ANKRD18B: variants seen among roughly 807,000 people sequenced by gnomAD.
ANKRD18B encodes ankyrin repeat domain 18B.
In ANKRD18B, 75 loss-of-function variants were observed where a neutral mutation model predicts 111.8. That is an observed-to-expected ratio of 0.67 (90% CI 0.56 to 0.81). ANKRD18B has a LOEUF of 0.81. Among genes scored for constraint, ANKRD18B ranks in the 40% least tolerant of loss-of-function variants. ANKRD18B has a pLI of 0.00. For synonymous variants in ANKRD18B, 356 were observed against 417.3 expected, an observed-to-expected ratio of 0.85 and a Z score of 1.79; for missense variants, 1,038 against 1,225.5, an observed-to-expected ratio of 0.85 and a Z score of 2.28.
Position 33,550,351 on chromosome 9 carries a change from T to C in ANKRD18B, c.2068-79T>C, listed in dbSNP as rs573524743. On this transcript the variant is annotated intron_variant, in intron 11 of 18. Transcript: ENST00000684830. The stretch of plus-strand genomic sequence containing the variant: ...GTGTGTGTGGTAATAATTTTCAAAG[T>C]ATGTATGCTAGAGTTAAATATTAAC... 395 of 1,354,012 alleles carry C rather than the reference T, an allele frequency of 2.9e-4. No homozygotes were observed. The African/African-American group carries it at 5.2e-3, about 18-fold the overall frequency. The allele number at this position is 1,354,012 out of a possible 1,614,324, so 83.9% of individuals were successfully genotyped here.
chr9:33,551,877 A>G (rs1423976784), intron 12 of ANKRD18B, among the ~76,000 whole-genome samples: 1 of 152,150 alleles, frequency 6.6e-6, no homozygotes, highest in Non-Finnish European at 1.5e-5. Context: ...CTGACAGGCA[A>G]TGTCCTCTTC....
chr9:33,566,167 A>G, intron 14 of ANKRD18B, 52 bp from the exon 15 acceptor site: 1 of 1,457,680 alleles, frequency 6.9e-7, no homozygotes, highest in Non-Finnish European at 9.3e-7. Context: ...GTTTTGTATT[A>G]GATTATTCTC....
rs528943807 is a variant in ANKRD18B, at chr9:33,569,286, A to G, written c.3177+393A>G. Among the ~76,000 whole-genome samples the G allele has an allele frequency of 7.8e-4, 83 of 106,596 alleles. 1 individual carries two copies. The highest frequency in any genetic ancestry group is 2.8e-3 in the African/African-American group (78 of 27,722). 69.9% of individuals were successfully genotyped at this position (106,596 alleles called of 152,430 possible). On this transcript the variant is annotated intron_variant, in intron 17 of 18. Coordinates refer to ENST00000684830, the MANE Select transcript of ANKRD18B (RefSeq NM_001393611.1). Reference sequence around the variant, plus strand: ...CTTTTTTTTTTTTTTTTTTTTTGAGATGGAGTCTCACTCTGTTGCCTAGGC... The same window carrying G: ...CTTTTTTTTTTTTTTTTTTTTTGAGGTGGAGTCTCACTCTGTTGCCTAGGC...
chr9:33,526,870 C>G (rs1446681744), intron 1 of ANKRD18B, among the ~76,000 whole-genome samples: 3 of 152,042 alleles, frequency 2.0e-5, no homozygotes, highest in East Asian at 1.9e-4. Flanking sequence ...ATTACTATCA[C>G]AAAAATATTG....
Position 33,524,684 on chromosome 9 carries a change from C to CA in ANKRD18B, c.196dup (p.Arg66LysfsTer33), listed in dbSNP as rs1198034334. 25 of 1,549,692 alleles carry CA rather than the reference C, an allele frequency of 1.6e-5. No individual in the cohort carries two copies. The highest frequency in any genetic ancestry group is 2.2e-5 in the Non-Finnish European group (25 of 1,146,366). On this transcript the variant is annotated frameshift_variant, in exon 1 of 19. Coordinates refer to ENST00000684830, the MANE Select transcript of ANKRD18B (RefSeq NM_001393611.1). LOFTEE classifies it high-confidence loss of function. ...GGTTCCGGGACTTGGACGTCCGCGA[C>CA]AGAAAAGACAGGTAGCGGGGGCTCA... is the stretch of plus-strand genomic sequence containing the variant.
chr9:33,549,207 A>T (rs1828412910), intron 11 of ANKRD18B, among the ~76,000 whole-genome samples: 1 of 152,224 alleles, frequency 6.6e-6, no homozygotes, highest in South Asian at 2.1e-4. Flanking sequence ...TATAAATCAT[A>T]TTTCAACAAA....
chr9:33,533,627 A>G lies in ANKRD18B; in HGVS notation c.602+82A>G, dbSNP rs927007519. The G allele has an allele frequency of 2.7e-6, 4 of 1,457,646 alleles. No individual in the cohort carries two copies. The Admixed American group carries it at 1.2e-4, about 44-fold the overall frequency. The allele number at this position is 1,457,646 out of a possible 1,614,324, so 90.3% of individuals were successfully genotyped here. A position where few individuals can be genotyped will look rare whatever the true frequency, so the allele number is the denominator to read the frequency against. ...GTGGTAACAGTCGCTCAAGTCAGAA[A>G]TGTTAATAAGATTAAACTTATAATT... is the stretch of plus-strand genomic sequence containing the variant. On this transcript the variant is annotated intron_variant, in intron 4 of 18. Transcript: ENST00000684830.
chr9:33,546,850 C>T (rs1053823198), intron 10 of ANKRD18B, among the ~76,000 whole-genome samples: 2 of 152,022 alleles, frequency 1.3e-5, no homozygotes, highest in African/African-American at 4.8e-5. Context: ...GTGTATCTTC[C>T]AGCTACAAAC....
downstream of ANKRD18B, among the ~76,000 whole-genome samples, chr9:33,575,142 T>G (rs1223446346): frequency 6.6e-6 from 1 of 152,224 alleles, no homozygotes; most frequent in Non-Finnish European, 1.5e-5. Context: ...TGTTCTGTGC[T>G]GACAGTCATC....
chr9:33,528,787 C>A lies in ANKRD18B; in HGVS notation c.267C>A (p.Asp89Glu). ...TGCAAGTGGTCACTCTCTTGCTGGA[C>A]AGAAAATGCCAGATCAACATCTGTG... Reference protein sequence around the residue: ...GRVQVVTLLLDRKCQINICDR... With the variant: ...GRVQVVTLLLERKCQINICDR... The change falls in exon 2 of 19, where the codon GAC (aspartate) becomes GAA (glutamate). Residue 89 changes from aspartate to glutamate, a missense_variant. Physicochemically the swap from Asp to Glu is conservative, Grantham distance 45. Around this residue, in one of 4 missense-constraint regions of ANKRD18B, gnomAD observed 216 missense variants for 205.1 expected, o/e 1.05. Transcript: ENST00000684830. The A allele has an allele frequency of 6.2e-7, 1 of 1,613,068 alleles. No individual in the cohort carries two copies.
intron 1 of ANKRD18B, among the ~76,000 whole-genome samples, chr9:33,527,892 G>A (rs187203159): frequency 5.3e-5 from 8 of 152,212 alleles, no homozygotes; most frequent in African/African-American, 1.2e-4. Flanking sequence ...TGTAAATACC[G>A]CTCCAATATG....
intron 11 of ANKRD18B, 103 bp downstream of exon 11, chr9:33,548,958 G>A: frequency 8.7e-7 from 1 of 1,148,548 alleles, no homozygotes; most frequent in Non-Finnish European, 1.2e-6. Flanking sequence ...AGATGAAAAT[G>A]TGTTTACCAT....
downstream of ANKRD18B, among the ~76,000 whole-genome samples, chr9:33,574,150 G>A (rs1828824853): frequency 7.8e-6 from 1 of 128,076 alleles, no homozygotes; most frequent in African/African-American, 2.5e-5. Flanking sequence ...TTGTGGTCTT[G>A]TCAGTGGGAA....
chr9:33,550,326 G>C lies in ANKRD18B; in HGVS notation c.2068-104G>C, dbSNP rs569511110. Reference sequence around the variant, plus strand: ...CATATGAGGAAAAGAAAGTGAATCTGTGTGTGTGGTAATAATTTTCAAAGT... The same window carrying C: ...CATATGAGGAAAAGAAAGTGAATCTCTGTGTGTGGTAATAATTTTCAAAGT... On this transcript the variant is annotated intron_variant, in intron 11 of 18. Transcript: ENST00000684830. The C allele has an allele frequency of 6.0e-6, 7 of 1,169,916 alleles. No homozygotes were observed. The South Asian group carries it at 1.1e-4, about 19-fold the overall frequency. 72.5% of individuals were successfully genotyped at this position (1,169,916 alleles called of 1,614,324 possible).
chr9:33,561,706 A>G (rs1828611320), intron 14 of ANKRD18B, among the ~76,000 whole-genome samples: 1 of 152,212 alleles, frequency 6.6e-6, no homozygotes, highest in Non-Finnish European at 1.5e-5. Context: ...TGAGAGTCCA[A>G]CTTTATAATT....
downstream of ANKRD18B, among the ~76,000 whole-genome samples, chr9:33,573,763 A>G (rs13294500): frequency 6.9e-6 from 1 of 145,088 alleles, no homozygotes; most frequent in African/African-American, 2.4e-5. Flanking sequence ...CAAGGGCCTC[A>G]TCAGTGGACC....
At chr9:33,549,598 C>T (rs1335028223) in intron 11 of ANKRD18B, among the ~76,000 whole-genome samples, 1 of 152,118 alleles carries the variant, frequency 6.6e-6, no homozygotes, top group African/African-American at 2.4e-5. Context: ...TCTTGTGATG[C>T]TTTTCCTTCA....
At position 33,541,219 on chromosome 9, in the gene ANKRD18B, G is replaced by A; in HGVS notation, c.1070G>A (p.Gly357Asp). The change falls in exon 9 of 19, where the codon GGT becomes GAT. Residue 357 changes from glycine to aspartate, a missense_variant. Gly to Asp is a moderately conservative substitution (Grantham distance 94, BLOSUM62 -1). Transcript: ENST00000684830. ...KRKKLKKRKE[G>D]AKEHNLKVAS... ...AAAAAATTGAAAAAAAGAAAAGAAG[G>A]TGCAAAAGGTAAGACACTTGAGTAT... is the stretch of plus-strand genomic sequence containing the variant. 6.5e-7 allele frequency: 1 copy of A among 1,545,614 alleles called. No homozygotes were observed. The highest frequency in any genetic ancestry group is 1.2e-5 in the South Asian group (1 of 81,780).
chr9:33,563,763 A>G (rs936109099), intron 14 of ANKRD18B, among the ~76,000 whole-genome samples: 8 of 151,458 alleles, frequency 5.3e-5, no homozygotes, highest in African/African-American at 1.9e-4. Flanking sequence ...TACTACTTCA[A>G]TCATTTTTCA....
Sources: allele counts gnomAD v4.1 joint callset (sites outside exome capture counted in the v4.1 genomes callset), GRCh38; gene constraint gnomAD v4.1.1; regional missense constraint gnomAD v4.1.1; transcripts MANE v1.5; gene names NCBI Gene and HGNC (gene_info 2026-07-23, HGNC 2026-07-21).